CDYL: variants seen among roughly 807,000 people sequenced by gnomAD.
CDYL encodes the protein chromodomain Y-like protein.
Under a neutral mutation model 47.3 loss-of-function variants are expected in CDYL, and 8 were observed. The ratio of observed to expected loss-of-function variants is 0.17; its 90% CI spans 0.10 to 0.31. The LOEUF (loss-of-function observed/expected upper bound fraction) is 0.31. CDYL is among the 10% of genes least tolerant of loss of function. CDYL has a pLI of 1.00. For synonymous variants in CDYL, 266 were observed against 265.0 expected (o/e 1.00, Z -0.04); for missense variants, 471 against 701.4 (o/e 0.67, Z 3.71).
chr6:4,734,871 A>G (rs760963905), intron 3 of CDYL: 98 of 1,613,190 alleles, frequency 6.1e-5, no homozygotes, highest in Non-Finnish European at 8.1e-5. Context: ...CCCAGTGGCA[A>G]GCTTGGAGTC....
rs1400139722 is a variant in CDYL, at chr6:4,765,724, C to T, written c.186+30880C>T. ...GACTACAAGTGCATGCCACCACACC[C>T]GGCTAATTTTTGTATTTTTAGCACA... is the stretch of plus-strand genomic sequence containing the variant. On this transcript the variant is annotated intron_variant, in intron 3 of 8. Transcript: ENST00000328908. 4.6e-5 allele frequency among the ~76,000 whole-genome samples: 7 copies of T among 152,144 alleles called. No homozygotes were observed. In the South Asian group the frequency reaches 6.2e-4, roughly 14 times the overall value.
chr6:4,832,931 A>G (rs1357255672), intron 1 of CDYL, among the ~76,000 whole-genome samples: 1 of 151,840 alleles, frequency 6.6e-6, no homozygotes, highest in African/African-American at 2.4e-5. Flanking sequence ...TATCCCCTTT[A>G]TCATTTTTTA....
intron 1 of CDYL, among the ~76,000 whole-genome samples, chr6:4,818,962 A>G (rs547303976): frequency 1.3e-5 from 2 of 152,280 alleles, no homozygotes; most frequent in African/African-American, 4.8e-5. Context: ...GTGCGGTGTC[A>G]CTGCTATCCT....
At chr6:4,890,137 C>G in intron 1 of CDYL, 1 of 985,436 alleles carries the variant, frequency 1.0e-6, no homozygotes, top group Non-Finnish European at 1.2e-6. Context: ...GTGGGTTGGG[C>G]AGGAGGCAGG....
Position 4,749,658 on chromosome 6 carries a change from G to A in CDYL, c.186+14814G>A, listed in dbSNP as rs77463421. 5.9e-3 allele frequency among the ~76,000 whole-genome samples: 891 copies of A among 152,282 alleles called. 5 individuals carry two copies. The highest frequency in any genetic ancestry group is 8.6e-3 in the Non-Finnish European group (587 of 68,030). On this transcript the variant is annotated intron_variant, in intron 3 of 8. Transcript: ENST00000328908. Reference sequence around the variant, plus strand: ...CCCAGGTTGTTTTAAAGAATTCTTGGTAAATGATCTAATTAATAAATGAGA... The same window carrying A: ...CCCAGGTTGTTTTAAAGAATTCTTGATAAATGATCTAATTAATAAATGAGA...
intron 1 of CDYL, among the ~76,000 whole-genome samples, chr6:4,857,045 C>T (rs1247837463): frequency 6.6e-6 from 1 of 152,210 alleles, no homozygotes; most frequent in East Asian, 1.9e-4. Context: ...AACTTGCCTT[C>T]ATCTTTCAGT....
At chr6:4,793,997 G>T (rs1759001585) in intron 1 of CDYL, among the ~76,000 whole-genome samples, 1 of 152,122 alleles carries the variant, frequency 6.6e-6, no homozygotes, top group African/African-American at 2.4e-5. Context: ...TAGACATCTA[G>T]TGGGAGCGGC....
chr6:4,783,313 G>C (rs1045226319), intron 1 of CDYL, among the ~76,000 whole-genome samples: 3 of 150,842 alleles, frequency 2.0e-5, no homozygotes, highest in Non-Finnish European at 4.4e-5. Context: ...TTTTGAAAGA[G>C]AATAGTATTT....
chr6:4,770,997 G>T (rs1216163498), intron 3 of CDYL, among the ~76,000 whole-genome samples: 3 of 152,142 alleles, frequency 2.0e-5, no homozygotes. Context: ...CTAAATATTT[G>T]TGTATATGTA....
chr6:4,893,221 A>G (rs1002956494), intron 2 of CDYL, among the ~76,000 whole-genome samples: 4 of 151,938 alleles, frequency 2.6e-5, no homozygotes, highest in African/African-American at 9.7e-5. Flanking sequence ...TGGTGCCCCC[A>G]CCCCATTGCC....
intron 1 of CDYL, among the ~76,000 whole-genome samples, chr6:4,785,679 A>G (rs1269177662): frequency 6.6e-6 from 1 of 152,214 alleles, no homozygotes; most frequent in African/African-American, 2.4e-5. Context: ...CTTAGTTTGC[A>G]AAAAGATGCA....
chr6:4,832,697 A>G (rs1760182259), intron 1 of CDYL, among the ~76,000 whole-genome samples: 1 of 148,572 alleles, frequency 6.7e-6, no homozygotes, highest in South Asian at 2.1e-4. Flanking sequence ...CTGTGAATCC[A>G]TCTGGTCCTG....
intron 1 of CDYL, among the ~76,000 whole-genome samples, chr6:4,856,728 A>C (rs1761019133): frequency 6.6e-6 from 1 of 152,184 alleles, no homozygotes; most frequent in Admixed American, 6.5e-5. Context: ...GAAGACTGAG[A>C]TGGAGTAGCT....
chr6:4,811,017 A>G (rs1759512043), intron 1 of CDYL, among the ~76,000 whole-genome samples: 1 of 152,246 alleles, frequency 6.6e-6, no homozygotes, highest in Non-Finnish European at 1.5e-5. Context: ...AGAGCTTGTC[A>G]ATGCATATCA....
In CDYL at chr6:4,933,324, AG is replaced by A. The variant is rs1396735085; in HGVS notation, c.692-2189del. ...ATCTCCACCTGGATGCTCACCCTGGAGGAGCAAGCATCTCTCCCTCGCCTCC... is the reference window on the plus strand; with the variant it reads ...ATCTCCACCTGGATGCTCACCCTGGAGAGCAAGCATCTCTCCCTCGCCTCC... On this transcript the variant is annotated intron_variant, in intron 2 of 6. Coordinates refer to ENST00000397588, the MANE Select transcript of CDYL (RefSeq NM_004824.4). Among the ~76,000 whole-genome samples the A allele has an allele frequency of 2.0e-5, 3 of 152,280 alleles. No individual in the cohort carries two copies. In the East Asian group the frequency reaches 5.8e-4, roughly 29 times the overall value.
At chr6:4,762,645 C>CAAAAAA (rs1173404314) in intron 3 of CDYL, among the ~76,000 whole-genome samples, 3 of 39,648 alleles carry the variant, frequency 7.6e-5, no homozygotes, top group South Asian at 1.0e-3. Context: ...TAAAGGGTAC[C>CAAAAAA]AAAAAAAAAA....
chr6:4,862,040 C>T (rs1316353376), intron 1 of CDYL, among the ~76,000 whole-genome samples: 1 of 152,146 alleles, frequency 6.6e-6, no homozygotes, highest in East Asian at 1.9e-4. Context: ...ACCCCTACTC[C>T]CCAGAAACCA....
chr6:4,777,556 TC>T (rs1321787526), intron 1 of CDYL, among the ~76,000 whole-genome samples: 2 of 152,236 alleles, frequency 1.3e-5, no homozygotes, highest in Non-Finnish European at 2.9e-5. Flanking sequence ...AAAGTAGACT[TC>T]CTGGGAGTAC....
chr6:4,713,524 A>G (rs1028088706), intron 1 of CDYL, among the ~76,000 whole-genome samples: 1 of 152,090 alleles, frequency 6.6e-6, no homozygotes, highest in Admixed American at 6.5e-5. Flanking sequence ...ACAATCAAGC[A>G]GGTATTTCAG....
Sources: gnomAD v4.1 joint callset for allele counts (sites outside exome capture counted in the v4.1 genomes callset) on GRCh38, gnomAD v4.1.1 for gene constraint, MANE v1.5 for transcripts, NCBI Gene and HGNC (gene_info 2026-07-23, HGNC 2026-07-21) for gene names.